The following IQCJ variants were observed in gnomAD, a reference collection of about 807,000 sequenced individuals.
The protein encoded by IQCJ is IQ domain-containing protein J.
A neutral mutation model predicts 11.0 loss-of-function variants in IQCJ; 9 were observed. The ratio of observed to expected loss-of-function variants is 0.82; its 90% CI spans 0.49 to 1.43. The LOEUF is 1.43. Among genes scored for constraint, IQCJ ranks in the 40% most tolerant of loss-of-function variants. IQCJ has a pLI of 0.00. For synonymous variants in IQCJ, 55 were observed against 51.3 expected, an observed-to-expected ratio of 1.07 and a Z score of -0.31; for missense variants, 146 against 133.2, an observed-to-expected ratio of 1.10 and a Z score of -0.47.
chr3:159,118,433 T>C (rs1409734163), intron 1 of IQCJ, among the ~76,000 whole-genome samples: 2 of 152,212 alleles, frequency 1.3e-5, no homozygotes, highest in Non-Finnish European at 2.9e-5. Context: ...TCAATATTTA[T>C]GAATGCTTAC....
chr3:159,119,913 G>T (rs1486870141), intron 1 of IQCJ, among the ~76,000 whole-genome samples: 1 of 152,048 alleles, frequency 6.6e-6, no homozygotes, highest in East Asian at 1.9e-4. Context: ...CTCATTTGAA[G>T]AATGAGTTTT....
At chr3:159,248,292 G>A (rs1331265726) in intron 2 of IQCJ, among the ~76,000 whole-genome samples, 4 of 152,132 alleles carry the variant, frequency 2.6e-5, no homozygotes, top group Non-Finnish European at 5.9e-5. Context: ...CCATCTGCAC[G>A]ATCCTAAGAA....
Position 159,263,215 on chromosome 3 carries a change from C to T in IQCJ, c.*484C>T, listed in dbSNP as rs1476493621. On this transcript the variant is annotated 3_prime_UTR_variant, in exon 4 of 4. Transcript: ENST00000397832. ...TAGACCTCACCTGAAGGGCAGCGCA[C>T]TTGGCTCCTGACAATGTGACACCAT... 1.0e-5 allele frequency: 4 copies of T among 387,508 alleles called. No homozygotes were observed. The highest frequency in any genetic ancestry group is 1.4e-5 in the Non-Finnish European group (4 of 283,354). The allele number at this position is 387,508 out of a possible 1,614,324, so 24.0% of individuals were successfully genotyped here. A position where few individuals can be genotyped will look rare whatever the true frequency, so the allele number is the denominator to read the frequency against.
At chr3:159,069,576 C>A in intron 1 of IQCJ, 135 bp downstream of exon 1, 2 of 1,283,124 alleles carry the variant, frequency 1.6e-6, no homozygotes, top group Non-Finnish European at 2.1e-6. Context: ...ACAGTGTGGG[C>A]TTAATTATTG....
chr3:159,243,522 A>C (rs1454780204), intron 1 of IQCJ, among the ~76,000 whole-genome samples: 1 of 152,244 alleles, frequency 6.6e-6, no homozygotes, highest in Non-Finnish European at 1.5e-5. Context: ...TGGACACAAA[A>C]GAATAGATAA....
chr3:159,117,787 A>G (rs1267491574), intron 1 of IQCJ, among the ~76,000 whole-genome samples: 1 of 152,200 alleles, frequency 6.6e-6, no homozygotes, highest in East Asian at 1.9e-4. Flanking sequence ...CAGGGAGCTT[A>G]CAATCTATCA....
rs137926542 is a variant in IQCJ at position 159,254,110 on chromosome 3, A to T, written c.155+1303A>T. On this transcript the variant is annotated intron_variant, in intron 3 of 3. Transcript: ENST00000397832. ...TGTCAGCCTCACTACACAGGACATT[A>T]GTTGGCAAACATAGGTTGCTTTATC... Among the ~76,000 whole-genome samples, 86 of 152,352 alleles carry T rather than the reference A, an allele frequency of 5.6e-4. 1 individual carries two copies. The South Asian group carries it at 0.011, about 19-fold the overall frequency.
chr3:159,089,106 G>A (rs1452450274), intron 1 of IQCJ, among the ~76,000 whole-genome samples: 1 of 151,960 alleles, frequency 6.6e-6, no homozygotes, highest in Non-Finnish European at 1.5e-5. Context: ...CTCTTTTAGG[G>A]CAGGCCTGGT....
At chr3:159,236,563 A>G (rs1726604917) in intron 1 of IQCJ, among the ~76,000 whole-genome samples, 1 of 152,146 alleles carries the variant, frequency 6.6e-6, no homozygotes, top group East Asian at 1.9e-4. Context: ...TCCTGGTCTA[A>G]TCTGGGAAAT....
chr3:159,248,221 G>A (rs550907782), intron 2 of IQCJ, among the ~76,000 whole-genome samples: 1 of 152,082 alleles, frequency 6.6e-6, no homozygotes, highest in Non-Finnish European at 1.5e-5. Context: ...TACCTTCAAT[G>A]CTGGCTCCTT....
intron 1 of IQCJ, among the ~76,000 whole-genome samples, chr3:159,121,080 A>G (rs1039219206): frequency 6.6e-6 from 1 of 152,016 alleles, no homozygotes; most frequent in Admixed American, 6.6e-5. Context: ...CTATCCCAAG[A>G]CAAATATACC....
At chr3:159,163,308 A>G (rs571050544) in intron 1 of IQCJ, among the ~76,000 whole-genome samples, 5 of 152,316 alleles carry the variant, frequency 3.3e-5, no homozygotes, top group South Asian at 2.1e-4. Flanking sequence ...TATAAACAGA[A>G]CCAAAGACAA....
At chr3:159,114,181 T>A (rs1718810127) in intron 1 of IQCJ, among the ~76,000 whole-genome samples, 1 of 152,180 alleles carries the variant, frequency 6.6e-6, no homozygotes, top group Non-Finnish European at 1.5e-5. Flanking sequence ...ATGCACTGGG[T>A]GTCTAGGCAA....
intron 1 of IQCJ, among the ~76,000 whole-genome samples, chr3:159,187,516 C>A (rs549254411): frequency 6.6e-6 from 1 of 152,238 alleles, no homozygotes; most frequent in Non-Finnish European, 1.5e-5. Flanking sequence ...GTGACCAACA[C>A]GGCAGGGCTT....
At chr3:159,261,591 G>A (rs1728211118) in intron 3 of IQCJ, among the ~76,000 whole-genome samples, 1 of 152,176 alleles carries the variant, frequency 6.6e-6, no homozygotes, top group Non-Finnish European at 1.5e-5. Flanking sequence ...CTTCTGCCAT[G>A]ATTGTAAGTT....
At chr3:159,110,537 C>T (rs539443803) in intron 1 of IQCJ, among the ~76,000 whole-genome samples, 1 of 152,128 alleles carries the variant, frequency 6.6e-6, no homozygotes, top group East Asian at 1.9e-4. Flanking sequence ...CTCTTTAATG[C>T]TCCTTCTTCA....
At chr3:159,163,053 A>G (rs1306766134) in intron 1 of IQCJ, among the ~76,000 whole-genome samples, 2 of 152,236 alleles carry the variant, frequency 1.3e-5, no homozygotes, top group Non-Finnish European at 2.9e-5. Flanking sequence ...AAAAGAGGGA[A>G]TCCTCCCTAA....
chr3:159,262,737 T>C lies in IQCJ; in HGVS notation c.*6T>C, dbSNP rs950430023. On this transcript the variant is annotated 3_prime_UTR_variant, in exon 4 of 4. Transcript: ENST00000397832. ...CTGACTTGACATTCAACTGAAAGCCTAGACTTTGGTTCTAAGAGAGAAATC... is the reference window on the plus strand; with the variant it reads ...CTGACTTGACATTCAACTGAAAGCCCAGACTTTGGTTCTAAGAGAGAAATC... The C allele has an allele frequency of 1.2e-6, 2 of 1,611,438 alleles. No homozygotes were observed. Among genetic ancestry groups the C allele is most frequent in the South Asian group, 1.1e-5 (1 of 90,938 alleles).
chr3:159,174,559 T>A (rs1722668873), intron 1 of IQCJ, among the ~76,000 whole-genome samples: 1 of 152,146 alleles, frequency 6.6e-6, no homozygotes, highest in Non-Finnish European at 1.5e-5. Flanking sequence ...TTATTTATCT[T>A]TAACTTCATT....
Sources: gnomAD v4.1 joint callset for allele counts (sites outside exome capture counted in the v4.1 genomes callset) on GRCh38, gnomAD v4.1.1 for gene constraint, MANE v1.5 for transcripts, NCBI Gene and HGNC (gene_info 2026-07-23, HGNC 2026-07-21) for gene names.